TRERF1: variants seen among roughly 807,000 people sequenced by gnomAD.
TRERF1 encodes the protein transcriptional-regulating factor 1.
In TRERF1, 27 loss-of-function variants were observed where a neutral mutation model predicts 122.9. The observed-to-expected ratio is 0.22, with a 90% CI of 0.16 to 0.30. The LOEUF (loss-of-function observed/expected upper bound fraction) is 0.30, where lower values mean the gene tolerates loss of function less well. Among genes scored for constraint, TRERF1 ranks in the 10% least tolerant of loss-of-function variants. The pLI is 1.00. For missense variants in TRERF1, 1,248 were observed against 1,560.3 expected, an observed-to-expected ratio of 0.80 and a Z score of 3.37; for synonymous variants, 636 against 641.7, an observed-to-expected ratio of 0.99 and a Z score of 0.13.
In TRERF1 at chr6:42,276,044, C is replaced by T. The variant is rs921978970; in HGVS notation, c.-258-6196G>A. Among the ~76,000 whole-genome samples, 2 of 152,236 alleles carry T rather than the reference C, an allele frequency of 1.3e-5. No individual in the cohort carries two copies. The highest frequency in any genetic ancestry group is 2.9e-5 in the Non-Finnish European group (2 of 68,032). ...TTAAAAATGTAAAAATCCTTCTTCACTCACAGGCAGTACAAGAATAGGTGT... is the reference window on the plus strand; with the variant it reads ...TTAAAAATGTAAAAATCCTTCTTCATTCACAGGCAGTACAAGAATAGGTGT... On this transcript the variant is annotated intron_variant, in intron 4 of 17. Coordinates refer to ENST00000372922, the Ensembl canonical transcript of TRERF1. The surrounding 1 kb of genome is among the most constrained non-coding windows in gnomAD (Gnocchi z 4.3).
chr6:42,245,034 CCT>C (rs1276249630), intron 14 of TRERF1, among the ~76,000 whole-genome samples: 3 of 152,236 alleles, frequency 2.0e-5, no homozygotes, highest in Admixed American at 6.5e-5. Flanking sequence ...TTCTCATCCC[CCT>C]GACACCTGGA....
At chr6:42,402,988 GAGA>G in intron 2 of TRERF1, among the ~76,000 whole-genome samples, 1 of 152,166 alleles carries the variant, frequency 6.6e-6, no homozygotes, top group Non-Finnish European at 1.5e-5. Flanking sequence ...CTGACAAAGA[GAGA>G]GGAGCGAGGT....
chr6:42,298,543 G>T (rs1428125849), intron 4 of TRERF1, among the ~76,000 whole-genome samples: 1 of 151,032 alleles, frequency 6.6e-6, no homozygotes, highest in South Asian at 2.1e-4. Flanking sequence ...GGTGGCTCAC[G>T]CCTGTAATGC....
intron 2 of TRERF1, among the ~76,000 whole-genome samples, chr6:42,374,879 C>T (rs910871702): frequency 6.6e-6 from 1 of 151,648 alleles, no homozygotes; most frequent in Non-Finnish European, 1.5e-5. Flanking sequence ...GGTGTGGTGG[C>T]GTGCACCTGT....
chr6:42,226,811 G>A (rs1769610056), exon 18 of TRERF1: 1 of 152,234 alleles, frequency 6.6e-6, no homozygotes, highest in South Asian at 2.1e-4. Context: ...CAGCAAAGTG[G>A]CCCAGCGTGA....
intron 2 of TRERF1, among the ~76,000 whole-genome samples, chr6:42,423,430 G>C (rs1016690480): frequency 6.6e-6 from 1 of 152,012 alleles, no homozygotes; most frequent in East Asian, 1.9e-4. Flanking sequence ...GAACCAAACC[G>C]AGAAGGCCCC....
At chr6:42,392,283 C>A (rs73733173) in intron 2 of TRERF1, among the ~76,000 whole-genome samples, 12,899 of 152,112 alleles carry the variant, frequency 0.085, 817 homozygotes, top group African/African-American at 0.17. Flanking sequence ...TCAATCATGA[C>A]CAAGTCACTT....
chr6:42,423,768 T>C (rs1463881013), intron 2 of TRERF1, among the ~76,000 whole-genome samples: 2 of 152,246 alleles, frequency 1.3e-5, no homozygotes, highest in Admixed American at 6.5e-5. Context: ...ATGTCTACTC[T>C]GCCTTCAAAA....
chr6:42,414,343 C>G (rs553446249), intron 2 of TRERF1, among the ~76,000 whole-genome samples: 2 of 152,166 alleles, frequency 1.3e-5, no homozygotes, highest in Non-Finnish European at 2.9e-5. Context: ...CCCAAGAGGG[C>G]ACCTCTGTTA....
At chr6:42,254,643 C>A (rs1306921599) in intron 13 of TRERF1, among the ~76,000 whole-genome samples, 1 of 151,962 alleles carries the variant, frequency 6.6e-6, no homozygotes. Context: ...CAGGTCTTGG[C>A]ACACCCACAA....
chr6:42,329,689 C>T (rs1344309430), intron 3 of TRERF1, among the ~76,000 whole-genome samples: 2 of 152,024 alleles, frequency 1.3e-5, no homozygotes, highest in South Asian at 2.1e-4. Context: ...GACATTTTAC[C>T]GTTGAAAATG....
chr6:42,299,733 C>A (rs141451316), intron 4 of TRERF1, among the ~76,000 whole-genome samples: 1 of 152,142 alleles, frequency 6.6e-6, no homozygotes, highest in African/African-American at 2.4e-5. Flanking sequence ...AAGGAGCCCA[C>A]GGAAGTAGTT....
chr6:42,367,760 C>T (rs1773018424), intron 2 of TRERF1, among the ~76,000 whole-genome samples: 1 of 152,166 alleles, frequency 6.6e-6, no homozygotes, highest in Admixed American at 6.5e-5. Context: ...GTACTCCCAA[C>T]AGCTGGCAGG....
At chr6:42,389,798 A>T (rs1486330473) in intron 2 of TRERF1, among the ~76,000 whole-genome samples, 1 of 152,168 alleles carries the variant, frequency 6.6e-6, no homozygotes. Flanking sequence ...AACTAACTCA[A>T]CCTGAGTTAA....
chr6:42,429,710 G>A (rs1173358568), intron 2 of TRERF1, among the ~76,000 whole-genome samples: 1 of 152,140 alleles, frequency 6.6e-6, no homozygotes, highest in Admixed American at 6.5e-5. Flanking sequence ...ACTGTGTGCT[G>A]GGCACTCTTC....
intron 2 of TRERF1, among the ~76,000 whole-genome samples, chr6:42,401,063 C>T (rs1779309400): frequency 1.3e-5 from 2 of 152,178 alleles, no homozygotes; most frequent in Admixed American, 6.5e-5. Flanking sequence ...AAAGCACGGC[C>T]CTGTCAAAGC....
chr6:42,390,632 G>C (rs1172856349), intron 2 of TRERF1, among the ~76,000 whole-genome samples: 2 of 152,148 alleles, frequency 1.3e-5, no homozygotes, highest in Non-Finnish European at 2.9e-5. Context: ...GCTCTGTACT[G>C]TTCTGAGACA....
intron 4 of TRERF1, among the ~76,000 whole-genome samples, chr6:42,285,831 C>T (rs907930613): frequency 4.4e-4 from 67 of 151,376 alleles, no homozygotes; most frequent in Non-Finnish European, 8.0e-4. Flanking sequence ...GCCCGCATCG[C>T]CAAGTCAATC....
At chr6:42,348,211 A>T (rs1441152756) in intron 3 of TRERF1, among the ~76,000 whole-genome samples, 2 of 152,036 alleles carry the variant, frequency 1.3e-5, no homozygotes, top group African/African-American at 4.8e-5. Context: ...ATACACACAC[A>T]CACCCATACT....
Sources: gnomAD v4.1 joint callset for allele counts (sites outside exome capture counted in the v4.1 genomes callset) on GRCh38, gnomAD v4.1.1 for gene constraint, Gnocchi (gnomAD v3.1) non-coding constraint, MANE v1.5 for transcripts, NCBI Gene and HGNC (gene_info 2026-07-23, HGNC 2026-07-21) for gene names.